Variants in PLA2G4C observed in about 807,000 individuals in gnomAD.
The protein encoded by PLA2G4C is phospholipase A2 group IVC.
Under a neutral mutation model 73.8 loss-of-function variants are expected in PLA2G4C, and 64 were observed. The observed-to-expected ratio is 0.87, with a 90% confidence interval of 0.71 to 1.07. The LOEUF (loss-of-function observed/expected upper bound fraction) is 1.07, where lower values mean the gene tolerates loss of function less well. Ranked by LOEUF, PLA2G4C falls within the 50% of genes least tolerant of loss-of-function variation. PLA2G4C has a pLI of 0.00. For synonymous variants in PLA2G4C, 254 were observed against 252.1 expected, an observed-to-expected ratio of 1.01 and a Z score of -0.07; for missense variants, 622 against 665.4, an observed-to-expected ratio of 0.93 and a Z score of 0.72.
rs200332990 is a variant in PLA2G4C at position 48,063,413 on chromosome 19, G to A, written c.1103-1261C>T. On this transcript the variant is annotated intron_variant, in intron 13 of 16. Transcript: ENST00000599921. Reference sequence around the variant, plus strand: ...TACGCATTTATCTCAGTGAGCAGAGGGTGACTTTGAATAGAATGGGAGGCA... The same window carrying A: ...TACGCATTTATCTCAGTGAGCAGAGAGTGACTTTGAATAGAATGGGAGGCA... 2.6e-5 allele frequency among the ~76,000 whole-genome samples: 4 copies of A among 152,246 alleles called. No homozygotes were observed. The East Asian group carries it at 7.7e-4, about 29-fold the overall frequency.
intron 4 of PLA2G4C, among the ~76,000 whole-genome samples, chr19:48,101,472 G>A (rs2386967): frequency 0.14 from 21,013 of 151,666 alleles, 1,555 homozygotes; most frequent in African/African-American, 0.19. Flanking sequence ...GCTGCTTATC[G>A]GGTGCTATCT....
intron 13 of PLA2G4C, among the ~76,000 whole-genome samples, chr19:48,066,634 C>T (rs939031822): frequency 1.4e-4 from 21 of 151,958 alleles, no homozygotes; most frequent in African/African-American, 4.6e-4. Flanking sequence ...AACAGGACCA[C>T]AAACATAAAG....
chr19:48,093,821 C>A (rs550285907), intron 7 of PLA2G4C, among the ~76,000 whole-genome samples: 29 of 152,236 alleles, frequency 1.9e-4, no homozygotes, highest in African/African-American at 3.4e-4. Context: ...GGGGCAGATC[C>A]CCCCATGCTG....
chr19:48,098,180 T>C lies in PLA2G4C; in HGVS notation c.527A>G (p.Asp176Gly), dbSNP rs761681933. 40 of 1,613,812 alleles carry C rather than the reference T, an allele frequency of 2.5e-5. No individual in the cohort carries two copies. Among genetic ancestry groups the C allele is most frequent in the Non-Finnish European group, 3.3e-5 (39 of 1,179,892 alleles). The change falls in exon 6 of 17, where the codon GAC becomes GGC. Residue 176 changes from aspartate to glycine, a missense_variant. Transcript: ENST00000599921. ...TLPYPIFAAI[D>G]NDLQPSWQEA... ...CTGCCAGGAAGGTTGCAGGTCATTGTCAATGGCTGCAAATATTGGGTAGGG... is the reference window on the plus strand; with the variant it reads ...CTGCCAGGAAGGTTGCAGGTCATTGCCAATGGCTGCAAATATTGGGTAGGG...
At chr19:48,109,676 G>A (rs1244333637) in intron 1 of PLA2G4C, among the ~76,000 whole-genome samples, 1 of 151,892 alleles carries the variant, frequency 6.6e-6, no homozygotes, top group African/African-American at 2.4e-5. Context: ...TTGAGATGGA[G>A]TCTCGCTTTG....
intron 12 of PLA2G4C, among the ~76,000 whole-genome samples, chr19:48,074,179 C>T (rs2029976985): frequency 6.6e-6 from 1 of 152,028 alleles, no homozygotes; most frequent in South Asian, 2.1e-4. Context: ...GTTCCCCTCC[C>T]TGCGTCCATG....
chr19:48,065,334 A>G (rs1216104599), intron 13 of PLA2G4C, among the ~76,000 whole-genome samples: 3 of 152,076 alleles, frequency 2.0e-5, no homozygotes, highest in Non-Finnish European at 2.9e-5. Flanking sequence ...ACGGTTGGGC[A>G]CAGTGGCTCA....
At chr19:48,083,953 G>A (rs1167274932) in intron 10 of PLA2G4C, among the ~76,000 whole-genome samples, 1 of 151,740 alleles carries the variant, frequency 6.6e-6, no homozygotes, top group Middle Eastern at 3.2e-3. Flanking sequence ...TGACCCGGTG[G>A]CTCTCAGCAA....
intron 13 of PLA2G4C, among the ~76,000 whole-genome samples, chr19:48,066,966 C>T (rs1401638981): frequency 6.8e-6 from 1 of 147,336 alleles, no homozygotes; most frequent in Non-Finnish European, 1.5e-5. Flanking sequence ...AAGACACACA[C>T]ACACACACAC....
intron 6 of PLA2G4C, chr19:48,096,803 T>A (rs2122656914): frequency 6.6e-6 from 1 of 152,208 alleles, no homozygotes; most frequent in African/African-American, 2.4e-5. Flanking sequence ...AACTGGAATG[T>A]CTGGAGAGCT....
At chr19:48,085,188 A>G in intron 9 of PLA2G4C, 76 bp from the exon 10 acceptor site, 1 of 1,011,012 alleles carries the variant, frequency 9.9e-7, no homozygotes, top group East Asian at 2.4e-5. Context: ...AAGCACCAGC[A>G]GACTGGCATA....
intron 5 of PLA2G4C, among the ~76,000 whole-genome samples, chr19:48,098,796 G>T (rs561202241): frequency 3.4e-5 from 5 of 148,146 alleles, no homozygotes; most frequent in African/African-American, 1.2e-4. Flanking sequence ...CAGCTACTTG[G>T]GAGGCTGAGC....
Position 48,048,264 on chromosome 19 carries a change from T to C in PLA2G4C, c.*79A>G. The C allele has an allele frequency of 4.8e-6, 5 of 1,039,056 alleles. No individual in the cohort carries two copies. Among genetic ancestry groups the C allele is most frequent in the Non-Finnish European group, 7.3e-6 (5 of 687,530 alleles). 64.4% of individuals were successfully genotyped at this position (1,039,056 alleles called of 1,614,324 possible). On this transcript the variant is annotated 3_prime_UTR_variant, in exon 17 of 17. Transcript: ENST00000599921. ...CCATGAAGCGTGTGGCTGAAGGGAG[T>C]GAAGAACAGGAAGGCCAGGTGGACA... is the stretch of plus-strand genomic sequence containing the variant.
intron 13 of PLA2G4C, among the ~76,000 whole-genome samples, chr19:48,062,434 AC>A (rs1287412737): frequency 6.6e-6 from 1 of 151,898 alleles, no homozygotes; most frequent in Non-Finnish European, 1.5e-5. Context: ...ACACAGTGAA[AC>A]CCTGTCTCTA....
intron 4 of PLA2G4C, among the ~76,000 whole-genome samples, chr19:48,102,741 T>C (rs2031981641): frequency 6.6e-6 from 1 of 152,218 alleles, no homozygotes; most frequent in Admixed American, 6.5e-5. Context: ...CTCATTTTCC[T>C]GCCTGTGAAA....
chr19:48,096,752 A>T (rs1196294683), intron 6 of PLA2G4C: 1 of 152,258 alleles, frequency 6.6e-6, no homozygotes, highest in Non-Finnish European at 1.5e-5. Context: ...AAATAGGGTA[A>T]GGAGGTCTGG....
intron 15 of PLA2G4C, among the ~76,000 whole-genome samples, chr19:48,053,710 C>T (rs958094146): frequency 6.6e-5 from 10 of 152,138 alleles, no homozygotes; most frequent in African/African-American, 2.4e-4. Flanking sequence ...TAGCCTGCCT[C>T]TCCTGGAACC....
Position 48,079,979 on chromosome 19 carries a change from G to C in PLA2G4C, c.845-2155C>G, listed in dbSNP as rs190997969. Among the ~76,000 whole-genome samples, 66 of 152,182 alleles carry C rather than the reference G, an allele frequency of 4.3e-4. No individual in the cohort carries two copies. The Middle Eastern group carries it at 0.017, about 39-fold the overall frequency. ...CCGTCTCAAAAATAAACAAATATATGGGACCTGAGTAAATTAAAAAGCTTC... is the reference window on the plus strand; with the variant it reads ...CCGTCTCAAAAATAAACAAATATATCGGACCTGAGTAAATTAAAAAGCTTC... On this transcript the variant is annotated intron_variant, in intron 10 of 16. Transcript: ENST00000599921.
rs1377753481 is a variant in PLA2G4C, at chr19:48,110,353, AAT to A, written c.-33+132_-33+133del. On this transcript the variant is annotated intron_variant, in intron 1 of 16. Transcript: ENST00000599921. Reference sequence around the variant, plus strand: ...AGAGCGAGATGCTGTCTCAAAAAAAAATAAATAAATAAATAAAATAAAATAAA... The same window carrying A: ...AGAGCGAGATGCTGTCTCAAAAAAAAAAATAAATAAATAAAATAAAATAAA... 9.5e-4 allele frequency: 538 copies of A among 563,784 alleles called. 1 individual carries two copies. The highest frequency in any genetic ancestry group is 8.6e-3 in the East Asian group (219 of 25,462). The allele number at this position is 563,784 out of a possible 1,614,324, so 34.9% of individuals were successfully genotyped here.
Sources: gnomAD v4.1 joint callset for allele counts (sites outside exome capture counted in the v4.1 genomes callset) on GRCh38, gnomAD v4.1.1 for gene constraint, MANE v1.5 for transcripts, NCBI Gene and HGNC (gene_info 2026-07-23, HGNC 2026-07-21) for gene names.